ADCY4: variants seen among roughly 807,000 people sequenced by gnomAD.
ADCY4 encodes the protein adenylate cyclase type 4.
A neutral mutation model predicts 125.5 loss-of-function variants in ADCY4; 111 were observed. The observed-to-expected ratio is 0.88, with a 90% CI of 0.76 to 1.04. ADCY4 has a LOEUF of 1.04. Among genes scored for constraint, ADCY4 ranks in the 50% least tolerant of loss-of-function variants. ADCY4 has a pLI of 0.00. For synonymous variants in ADCY4, 576 were observed against 586.9 expected, an observed-to-expected ratio of 0.98 and a Z score of 0.27; for missense variants, 1,256 against 1,382.9, an observed-to-expected ratio of 0.91 and a Z score of 1.46.
intron 12 of ADCY4, 71 bp from the exon 13 acceptor site, chr14:24,325,958 A>C (rs549836128): frequency 6.3e-7 from 1 of 1,583,420 alleles, no homozygotes; most frequent in Non-Finnish European, 8.6e-7. Flanking sequence ...AAGAGGGCAG[A>C]GTGAGGGCAA....
chr14:24,332,417 C>T, intron 3 of ADCY4, 105 bp downstream of exon 3: 2 of 1,314,496 alleles, frequency 1.5e-6, no homozygotes, highest in Non-Finnish European at 2.1e-6. Context: ...CTGCGCCCAG[C>T]GTTGCACCTT....
At chr14:24,331,972 C>A in intron 3 of ADCY4, 35 bp from the exon 4 acceptor site, 2 of 1,505,920 alleles carry the variant, frequency 1.3e-6, no homozygotes, top group Admixed American at 2.1e-5. Context: ...GGGCGCGGGA[C>A]CCGGGTGCTT....
intron 20 of ADCY4, 161 bp from the exon 21 acceptor site, chr14:24,320,049 T>C: frequency 1.2e-6 from 1 of 815,098 alleles, no homozygotes; most frequent in Non-Finnish European, 1.9e-6. Context: ...CCCAGGGAAG[T>C]GACTTAGGAG....
intron 10 of ADCY4, 28 bp downstream of exon 10, chr14:24,329,033 C>G (rs1275660482): frequency 6.2e-7 from 1 of 1,607,294 alleles, no homozygotes. Context: ...TAACTAAGCT[C>G]TGGGGCTCAG....
chr14:24,334,435 C>T, intron 1 of ADCY4, 59 bp downstream of exon 1: 1 of 1,498,916 alleles, frequency 6.7e-7, no homozygotes, highest in Admixed American at 2.3e-5. Flanking sequence ...ACCCCACAAA[C>T]CCCAACCCCG....
At position 24,321,937 on chromosome 14, in the gene ADCY4, C is replaced by T. The variant is rs1231807344; in HGVS notation, c.2586+129G>A. 13 of 1,415,988 alleles carry T rather than the reference C, an allele frequency of 9.2e-6. 1 individual carries two copies. In the South Asian group the frequency reaches 2.2e-4, roughly 24 times the overall value. The allele number at this position is 1,415,988 out of a possible 1,614,324, so 87.7% of individuals were successfully genotyped here. On this transcript the variant is annotated intron_variant, in intron 20 of 24. Transcript: ENST00000418030. ...CTAAGATGTTGTGAAAACAAAGACGCTTGACAAGCACAAGGGCTTGGGTGA... is the reference window on the plus strand; with the variant it reads ...CTAAGATGTTGTGAAAACAAAGACGTTTGACAAGCACAAGGGCTTGGGTGA...
chr14:24,326,330 C>T lies in ADCY4; in HGVS notation c.1537G>A (p.Ala513Thr). The T allele has an allele frequency of 6.2e-7, 1 of 1,613,820 alleles. No homozygotes were observed. Among genetic ancestry groups the T allele is most frequent in the Non-Finnish European group, 8.5e-7 (1 of 1,179,994 alleles). Residue 513 changes from alanine (A) to threonine (T), a missense_variant, in exon 11 of 25, where the codon GCT (alanine) becomes ACT (threonine). Ala to Thr is a moderately conservative substitution (Grantham distance 58). Transcript: ENST00000418030. ...AGGCTCCACTGGGTGCTGAAGGAAG[C>T]CAGGGTCTTCTCCTGTTGGGAGAGC... ...TSTPLPEKTL[A>T]SFSTQWSLDR...
At position 24,318,565 on chromosome 14, in the gene ADCY4, T is replaced by A. The variant is rs758319337; in HGVS notation, c.3085A>T (p.Thr1029Ser). 9.7e-5 allele frequency: 157 copies of A among 1,613,976 alleles called. No individual in the cohort carries two copies. The highest frequency in any genetic ancestry group is 1.3e-4 in the Non-Finnish European group (154 of 1,180,000). The change falls in exon 25 of 25, where the codon ACT becomes TCT. Residue 1029 changes from threonine to serine, a missense_variant. Coordinates refer to ENST00000418030, the MANE Select transcript of ADCY4 (RefSeq NM_001198568.2). ...STGVLGKIQV[T>S]EETAWALQSL... ...TGTAGGGCCCATGCTGTCTCCTCAGTCACCTACAATTGGAGGGGGGCGAGG... is the reference window on the plus strand; with the variant it reads ...TGTAGGGCCCATGCTGTCTCCTCAGACACCTACAATTGGAGGGGGGCGAGG...
At chr14:24,326,423 T>C in intron 10 of ADCY4, 81 bp from the exon 11 acceptor site, 1 of 1,516,482 alleles carries the variant, frequency 6.6e-7, no homozygotes, top group South Asian at 1.1e-5. Flanking sequence ...CACTGCATGC[T>C]CTATACATGT....
intron 10 of ADCY4, chr14:24,326,598 T>C: frequency 2.3e-6 from 1 of 435,276 alleles, no homozygotes; most frequent in South Asian, 2.6e-5. Context: ...TGTGTGTGTG[T>C]GTGTGTGTGT....
chr14:24,329,488 A>G lies in ADCY4; in HGVS notation c.1263T>C (p.Ala421=), dbSNP rs2042006269. The G allele has an allele frequency of 6.4e-7, 1 of 1,568,590 alleles. No individual in the cohort carries two copies. Among genetic ancestry groups the G allele is most frequent in the Non-Finnish European group, 8.6e-7 (1 of 1,160,726 alleles). Residue 421 remains alanine (A), a synonymous_variant, in exon 9 of 25, where the codon GCT becomes GCC. Transcript: ENST00000418030. ...TGATLALLAG[A]YAVEDAGMEH... ...CCATGCCTGCGTCCTCCACAGCATA[A>G]GCCCCTGCCAGCAGGGCCAGGGTAG...
intron 11 of ADCY4, 51 bp downstream of exon 11, chr14:24,326,248 G>C (rs2041942277): frequency 6.2e-7 from 1 of 1,612,348 alleles, no homozygotes. Context: ...AGGGAGGATG[G>C]AGGGGGTCAT....
rs372216264 is a variant in ADCY4, at chr14:24,322,574, T to C, written c.2427+50A>G. 3.3e-5 allele frequency: 52 copies of C among 1,571,244 alleles called. No individual in the cohort carries two copies. The African/African-American group carries it at 5.9e-4, about 18-fold the overall frequency. On this transcript the variant is annotated intron_variant, in intron 19 of 24. Coordinates refer to ENST00000418030, the MANE Select transcript of ADCY4 (RefSeq NM_001198568.2). ...GATTAGAAAGATCAAGTCACAGATA[T>C]GGGGGCCACTCATAGGTGGGCCCTG...
Position 24,329,886 on chromosome 14 carries a change from GTTAGC to G in ADCY4, c.1186_1190del (p.Ala396ProfsTer59), listed in dbSNP as rs753277791. 6.8e-6 allele frequency: 11 copies of G among 1,614,002 alleles called. No individual in the cohort carries two copies. The South Asian group carries it at 1.2e-4, about 18-fold the overall frequency. ...CTGGTACACCGCCTGCCTCCATGTG[GTTAGC>G]CAGTGTGACATCATGTGACCAAACG... On this transcript the variant is annotated frameshift_variant, in exon 8 of 25. Transcript: ENST00000418030. LOFTEE classifies it high-confidence loss of function.
intron 17 of ADCY4, 107 bp from the exon 18 acceptor site, chr14:24,323,195 C>G (rs191277166): frequency 2.1e-6 from 3 of 1,415,210 alleles, no homozygotes; most frequent in East Asian, 4.9e-5. Context: ...ATCTGGGAGA[C>G]AGGGGGCATC....
At chr14:24,323,563 AGG>A (rs1363688054) in intron 16 of ADCY4, 109 bp from the exon 17 acceptor site, 39 of 1,495,368 alleles carry the variant, frequency 2.6e-5, no homozygotes, top group Admixed American at 4.3e-5. Flanking sequence ...ACTCGTCCAA[AGG>A]GGTGGATCCT....
At position 24,322,953 on chromosome 14, in the gene ADCY4, G is replaced by A; in HGVS notation, c.2293C>T (p.Leu765=). ...AGGCGGACGATGAGGCATTCCGACA[G>A]CCAGGCATGGGAGTGCAGGAAGAGG... ...CSLFLHSHAW[L]SECLIVRLYL... The change falls in exon 18 of 25, where the codon CTG becomes TTG. Residue 765 remains leucine (L), a synonymous_variant. Coordinates refer to ENST00000418030, the MANE Select transcript of ADCY4 (RefSeq NM_001198568.2). 1 of 1,613,394 alleles carries A rather than the reference G, an allele frequency of 6.2e-7. No homozygotes were observed. The highest frequency in any genetic ancestry group is 8.5e-7 in the Non-Finnish European group (1 of 1,179,682).
At chr14:24,325,740 A>C in intron 13 of ADCY4, 78 bp downstream of exon 13, 1 of 1,494,962 alleles carries the variant, frequency 6.7e-7, no homozygotes, top group Non-Finnish European at 9.1e-7. Context: ...TGGGGAGGAG[A>C]CCCAAGGGCT....
At chr14:24,321,662 C>T in intron 20 of ADCY4, 1 of 304,776 alleles carries the variant, frequency 3.3e-6, no homozygotes, top group South Asian at 1.3e-4. Flanking sequence ...TCTGATGCTG[C>T]TACTGATCTG....
Sources: gnomAD v4.1 joint callset for allele counts on GRCh38, gnomAD v4.1.1 for gene constraint, MANE v1.5 for transcripts, NCBI Gene and HGNC (gene_info 2026-07-23, HGNC 2026-07-21) for gene names.